FER1L6: variants seen among roughly 807,000 people sequenced by gnomAD.
FER1L6 encodes the protein fer-1 like family member 6.
In FER1L6, 177 loss-of-function variants were observed where a neutral mutation model predicts 219.2. That is an observed-to-expected ratio of 0.81 (90% CI 0.71 to 0.91). FER1L6 has a LOEUF of 0.91. Ranked by LOEUF, FER1L6 falls within the 40% of genes least tolerant of loss-of-function variation. The pLI, the probability that FER1L6 is intolerant of heterozygous loss-of-function variation, is 0.00. For synonymous variants in FER1L6, 768 were observed against 824.3 expected (o/e 0.93, Z 1.17); for missense variants, 2,153 against 2,259.9 (o/e 0.95, Z 0.96).
intron 1 of FER1L6, among the ~76,000 whole-genome samples, chr8:123,855,446 G>A (rs769244019): frequency 1.4e-4 from 21 of 152,098 alleles, no homozygotes; most frequent in Non-Finnish European, 2.6e-4. Flanking sequence ...GTGCCATGGA[G>A]GGCAGGCGTA....
At chr8:123,958,310 G>T (rs935810995) in intron 2 of FER1L6, among the ~76,000 whole-genome samples, 1 of 152,146 alleles carries the variant, frequency 6.6e-6, no homozygotes, top group Non-Finnish European at 1.5e-5. Flanking sequence ...TCTTCTATGG[G>T]GGCATGGCCG....
chr8:124,077,408 C>A (rs1821339489), intron 32 of FER1L6, among the ~76,000 whole-genome samples: 1 of 152,164 alleles, frequency 6.6e-6, no homozygotes, highest in South Asian at 2.1e-4. Context: ...CATTTAAATT[C>A]ATTTACACAT....
At chr8:123,938,418 A>G (rs1814088824) in intron 1 of FER1L6, among the ~76,000 whole-genome samples, 1 of 152,180 alleles carries the variant, frequency 6.6e-6, no homozygotes, top group African/African-American at 2.4e-5. Context: ...GACTTTTGAC[A>G]TTTGGTGGAA....
chr8:124,004,686 C>T (rs202179458), intron 13 of FER1L6, among the ~76,000 whole-genome samples: 1 of 152,066 alleles, frequency 6.6e-6, no homozygotes, highest in Non-Finnish European at 1.5e-5. Flanking sequence ...CTGAGTCCTC[C>T]AAGCCACAGA....
chr8:123,936,185 A>G (rs1470765235), intron 1 of FER1L6, among the ~76,000 whole-genome samples: 2 of 152,116 alleles, frequency 1.3e-5, no homozygotes, highest in Admixed American at 6.5e-5. Context: ...GCCTAAGTGA[A>G]CGGTCCATAC....
intron 1 of FER1L6, among the ~76,000 whole-genome samples, chr8:123,868,874 A>G (rs1464766447): frequency 6.6e-6 from 1 of 152,218 alleles, no homozygotes; most frequent in Non-Finnish European, 1.5e-5. Flanking sequence ...GAGGTATCAC[A>G]TAGAGAAATA....
chr8:123,958,190 T>G (rs1771106335), intron 2 of FER1L6, among the ~76,000 whole-genome samples: 1 of 152,212 alleles, frequency 6.6e-6, no homozygotes, highest in South Asian at 2.1e-4. Context: ...GGCTAAATTC[T>G]GGGAATCTAA....
chr8:124,035,496 G>A (rs1307006098), intron 19 of FER1L6, 42 bp downstream of exon 19: 2 of 1,569,296 alleles, frequency 1.3e-6, no homozygotes, highest in African/African-American at 2.7e-5. Context: ...CGAGGTCTCA[G>A]GTGGGCTTCT....
intron 37 of FER1L6, among the ~76,000 whole-genome samples, chr8:124,100,232 CAATT>C (rs1157819691): frequency 6.6e-6 from 1 of 152,152 alleles, no homozygotes; most frequent in African/African-American, 2.4e-5. Context: ...CTTATTTTCT[CAATT>C]AATTCACCAT....
At position 123,922,300 on chromosome 8, in the gene FER1L6, G is replaced by A. The variant is rs1334615856; in HGVS notation, c.-7-33692G>A. Among the ~76,000 whole-genome samples the A allele has an allele frequency of 2.0e-5, 3 of 152,216 alleles. No homozygotes were observed. In the East Asian group the frequency reaches 5.8e-4, roughly 29 times the overall value. ...TGCTGGGGGCAGGGGCATTTATTCT[G>A]CGTGACAGAAGGTAACATCTGTGGC... On this transcript the variant is annotated intron_variant, in intron 1 of 40. Transcript: ENST00000522917.
Position 123,896,802 on chromosome 8 carries a change from C to G in FER1L6, c.-8+44617C>G, listed in dbSNP as rs536179559. On this transcript the variant is annotated intron_variant, in intron 1 of 40. Coordinates refer to ENST00000522917, the MANE Select transcript of FER1L6 (RefSeq NM_001039112.2). Reference sequence around the variant, plus strand: ...AAACACCATCTATATGCTGATAACTCACAAACTCATGTCTCTAATCTCAGT... The same window carrying G: ...AAACACCATCTATATGCTGATAACTGACAAACTCATGTCTCTAATCTCAGT... Among the ~76,000 whole-genome samples, 4 of 152,182 alleles carry G rather than the reference C, an allele frequency of 2.6e-5. No individual in the cohort carries two copies. In the South Asian group the frequency reaches 8.3e-4, roughly 32 times the overall value.
intron 26 of FER1L6, among the ~76,000 whole-genome samples, chr8:124,065,460 G>A (rs946596048): frequency 6.7e-5 from 10 of 150,254 alleles, no homozygotes; most frequent in Non-Finnish European, 4.4e-5. Context: ...AAATGGTAAA[G>A]GCTGAGATAA....
chr8:123,972,856 A>C (rs1329126832), intron 6 of FER1L6, among the ~76,000 whole-genome samples: 2 of 152,194 alleles, frequency 1.3e-5, no homozygotes, highest in Non-Finnish European at 1.5e-5. Context: ...CCAGCTCTGC[A>C]CCTTCCTTTA....
At chr8:123,979,368 T>G (rs939546926) in intron 10 of FER1L6, among the ~76,000 whole-genome samples, 8 of 152,166 alleles carry the variant, frequency 5.3e-5, no homozygotes, top group African/African-American at 1.9e-4. Flanking sequence ...TAGCTGGGGC[T>G]CAAAATTAAA....
In FER1L6 at chr8:124,060,561, G is replaced by T. The variant is rs373037712; in HGVS notation, c.2999G>T (p.Gly1000Val). 1.9e-6 allele frequency: 3 copies of T among 1,613,924 alleles called. No homozygotes were observed. The highest frequency in any genetic ancestry group is 3.3e-5 in the Admixed American group (2 of 59,992). Residue 1000 changes from glycine (G) to valine (V), a missense_variant, in exon 24 of 41, where the codon GGA becomes GTA. Gly to Val is a moderately radical substitution (Grantham distance 109, BLOSUM62 -3). Transcript: ENST00000522917. ...TCTTTTCCTCAGGTTCTCTTCTGGGGAGTTCGGGAAATGAAGAAGGTGCAG... is the reference window on the plus strand; with the variant it reads ...TCTTTTCCTCAGGTTCTCTTCTGGGTAGTTCGGGAAATGAAGAAGGTGCAG... The part of the protein sequence containing the change: ...SKYRVEVLFW[G>V]VREMKKVQLL...
intron 1 of FER1L6, among the ~76,000 whole-genome samples, chr8:123,891,294 T>C (rs979799780): frequency 8.5e-5 from 13 of 152,364 alleles, no homozygotes; most frequent in African/African-American, 3.1e-4. Context: ...GATATTCTTT[T>C]AAAATAGCTG....
intron 13 of FER1L6, among the ~76,000 whole-genome samples, chr8:124,004,934 G>C (rs1490966607): frequency 6.6e-6 from 1 of 151,208 alleles, no homozygotes; most frequent in Non-Finnish European, 1.5e-5. Flanking sequence ...GGAGGCAGAG[G>C]TTGCAGTGAG....
chr8:124,012,229 C>G (rs1200995818), intron 14 of FER1L6, among the ~76,000 whole-genome samples: 1 of 152,148 alleles, frequency 6.6e-6, no homozygotes, highest in Non-Finnish European at 1.5e-5. Context: ...ATTTGTAAAA[C>G]AAAGTATTGT....
chr8:123,975,768 C>T, intron 8 of FER1L6, 130 bp from the exon 9 acceptor site: 1 of 730,692 alleles, frequency 1.4e-6, no homozygotes, highest in Non-Finnish European at 2.2e-6. Context: ...CTCATTTCAG[C>T]AATGAATCTT....
Sources: allele counts gnomAD v4.1 joint callset (sites outside exome capture counted in the v4.1 genomes callset), GRCh38; gene constraint gnomAD v4.1.1; transcripts MANE v1.5; gene names NCBI Gene and HGNC (gene_info 2026-07-23, HGNC 2026-07-21).